Variants in GGA2 observed in about 807,000 individuals in gnomAD.
The protein encoded by GGA2 is golgi associated, gamma adaptin ear containing, ARF binding protein 2, also known as ADP-ribosylation factor-binding protein GGA2.
In GGA2, 48 loss-of-function variants were observed where a neutral mutation model predicts 79.5. That is an observed-to-expected ratio of 0.60 (90% confidence interval 0.48 to 0.77). The LOEUF (loss-of-function observed/expected upper bound fraction) is 0.77. Among genes scored for constraint, GGA2 ranks in the 30% least tolerant of loss-of-function variants. The probability of loss-of-function intolerance (pLI) is 0.00; values close to 1 mark genes in which losing one functional copy is unlikely to be tolerated. For synonymous variants in GGA2, 317 were observed against 302.0 expected (o/e 1.05, Z -0.51); for missense variants, 770 against 774.0 (o/e 0.99, Z 0.06).
At chr16:23,473,700 T>C (rs1316149268) in intron 14 of GGA2, among the ~76,000 whole-genome samples, 6 of 152,198 alleles carry the variant, frequency 3.9e-5, no homozygotes, top group Admixed American at 3.9e-4. Flanking sequence ...TTTTAAAGTT[T>C]GTTTTGTAAT....
chr16:23,479,792 A>C lies in GGA2; in HGVS notation c.1102T>G (p.Leu368Val). 6.2e-7 allele frequency: 1 copy of C among 1,614,140 alleles called. No individual in the cohort carries two copies. The highest frequency in any genetic ancestry group is 8.5e-7 in the Non-Finnish European group (1 of 1,179,990). The change falls in exon 11 of 17, where the codon TTG (leucine) becomes GTG (valine). Residue 368 changes from leucine to valine, a missense_variant. Coordinates refer to ENST00000309859, the MANE Select transcript of GGA2 (RefSeq NM_015044.4). ...AAGGCTGCCAGGTCCTGATGAAGCA[A>C]AGATGGCACCACAGTCCCCATCTGC... ...PAQMGTVVPSLLHQDLAALGI... is the reference protein window; with the variant it reads ...PAQMGTVVPSVLHQDLAALGI...
intron 9 of GGA2, among the ~76,000 whole-genome samples, chr16:23,481,090 A>G (rs1372407219): frequency 2.0e-5 from 3 of 152,234 alleles, no homozygotes; most frequent in African/African-American, 4.8e-5. Flanking sequence ...CAGAATCTGA[A>G]GCTGCTGGCT....
rs1180186483 is a variant in GGA2, at chr16:23,465,621, C to CTA, written c.*1967_*1968dup. 1 of 580,534 alleles carries CTA rather than the reference C, an allele frequency of 1.7e-6. No homozygotes were observed. The highest frequency in any genetic ancestry group is 3.1e-6 in the Non-Finnish European group (1 of 325,576). 36.0% of individuals were successfully genotyped at this position (580,534 alleles called of 1,614,324 possible). The stretch of plus-strand genomic sequence containing the variant: ...CATTATGATGGGTACCTCTTCAAGA[C>CTA]TACGCAACAGTAACAGAGCCTATAA... On this transcript the variant is annotated 3_prime_UTR_variant, in exon 17 of 17. Transcript: ENST00000309859.
At chr16:23,512,856 C>T (rs185836432), upstream of GGA2, among the ~76,000 whole-genome samples, 188 of 152,002 alleles carry the variant, frequency 1.2e-3, no homozygotes, top group African/African-American at 4.4e-3. Context: ...AGGCGCCCAC[C>T]ACCACACCCG....
chr16:23,478,345 C>T (rs777480628), intron 13 of GGA2, 23 bp downstream of exon 13: 63 of 1,548,460 alleles, frequency 4.1e-5, no homozygotes, highest in Middle Eastern at 4.1e-4. Flanking sequence ...CACTCTCCCA[C>T]TCCCCTTGCC....
chr16:23,473,328 GTC>G (rs1567358863), intron 14 of GGA2, among the ~76,000 whole-genome samples: 1 of 38,746 alleles, frequency 2.6e-5, no homozygotes, highest in African/African-American at 6.3e-5. Flanking sequence ...TACTTTTCTA[GTC>G]TTTTTTTTTT....
At chr16:23,499,184 A>C (rs1596992785) in intron 1 of GGA2, among the ~76,000 whole-genome samples, 2 of 138,002 alleles carry the variant, frequency 1.4e-5, no homozygotes, top group African/African-American at 2.8e-5. Context: ...TCGCTCTGTC[A>C]CCCGGGCTGG....
chr16:23,495,874 T>C (rs1964848968), intron 1 of GGA2, 96 bp from the exon 2 acceptor site: 3 of 717,286 alleles, frequency 4.2e-6, no homozygotes, highest in East Asian at 2.7e-5. Flanking sequence ...TTATCACAGA[T>C]CTACAGGATC....
rs1964426619 is a variant in GGA2, at chr16:23,465,631, G to GT, written c.*1958dup. ...GGTACCTCTTCAAGACTACGCAACA[G>GT]TAACAGAGCCTATAAAAGCTACACA... On this transcript the variant is annotated 3_prime_UTR_variant, in exon 17 of 17. Coordinates refer to ENST00000309859, the MANE Select transcript of GGA2 (RefSeq NM_015044.4). 1.8e-6 allele frequency: 1 copy of GT among 548,634 alleles called. No individual in the cohort carries two copies. The highest frequency in any genetic ancestry group is 1.9e-5 in the African/African-American group (1 of 52,866). The allele number at this position is 548,634 out of a possible 1,614,324, so 34.0% of individuals were successfully genotyped here.
chr16:23,521,102 A>G (rs927410428), intron 1 of GGA2, among the ~76,000 whole-genome samples: 9 of 152,150 alleles, frequency 5.9e-5, no homozygotes, highest in Non-Finnish European at 1.2e-4. Context: ...CTAATTTAGT[A>G]TTTTTTAAAA....
At position 23,465,655 on chromosome 16, in the gene GGA2, C is replaced by G. The variant is rs1445583744; in HGVS notation, c.*1935G>C. The G allele has an allele frequency of 4.0e-6, 2 of 499,406 alleles. No homozygotes were observed. The highest frequency in any genetic ancestry group is 3.6e-5 in the Admixed American group (1 of 27,762). The allele number at this position is 499,406 out of a possible 1,614,324, so 30.9% of individuals were successfully genotyped here. A position where few individuals can be genotyped will look rare whatever the true frequency, so the allele number is the denominator to read the frequency against. On this transcript the variant is annotated 3_prime_UTR_variant, in exon 17 of 17. Transcript: ENST00000309859. ...AGTAACAGAGCCTATAAAAGCTACACAGAGGCCGGGTGCGGTGGCTCACGC... is the reference window on the plus strand; with the variant it reads ...AGTAACAGAGCCTATAAAAGCTACAGAGAGGCCGGGTGCGGTGGCTCACGC...
At chr16:23,497,044 G>GAGGCTT (rs1964865171) in intron 1 of GGA2, among the ~76,000 whole-genome samples, 1 of 151,748 alleles carries the variant, frequency 6.6e-6, no homozygotes, top group Non-Finnish European at 1.5e-5. Context: ...GACTGCGGCT[G>GAGGCTT]CAGTGAGCCA....
At chr16:23,498,647 A>G (rs558235087) in intron 1 of GGA2, among the ~76,000 whole-genome samples, 12 of 152,330 alleles carry the variant, frequency 7.9e-5, no homozygotes, top group Non-Finnish European at 1.5e-4. Context: ...AAGGGTCTAA[A>G]ATGCTTAGTA....
At chr16:23,501,788 G>A (rs1425814142) in intron 1 of GGA2, among the ~76,000 whole-genome samples, 3 of 152,124 alleles carry the variant, frequency 2.0e-5, no homozygotes, top group Non-Finnish European at 4.4e-5. Flanking sequence ...GATTTTCATC[G>A]AGAGGAAACA....
chr16:23,510,364 G>A lies in GGA2; in HGVS notation c.48C>T (p.Ala16=), dbSNP rs1403497606. ...VAAAVAGTES[A]QGPPGPAASL... is the part of the protein sequence containing the mutation. ...ACGCTGCCGGGCCCGGGGGACCCTG[G>A]GCCGACTCGGTTCCCGCCACAGCCG... is the stretch of plus-strand genomic sequence containing the variant. Residue 16 remains alanine (A), a synonymous_variant, in exon 1 of 17, where the codon GCC becomes GCT. Coordinates refer to ENST00000309859, the MANE Select transcript of GGA2 (RefSeq NM_015044.4). The A allele has an allele frequency of 1.3e-5, 19 of 1,428,292 alleles. No individual in the cohort carries two copies. Among genetic ancestry groups the A allele is most frequent in the Non-Finnish European group, 1.7e-5 (18 of 1,090,456 alleles). 88.5% of individuals were successfully genotyped at this position (1,428,292 alleles called of 1,614,324 possible).
At chr16:23,496,722 C>T (rs1359227698) in intron 1 of GGA2, among the ~76,000 whole-genome samples, 2 of 152,020 alleles carry the variant, frequency 1.3e-5, no homozygotes, top group African/African-American at 4.8e-5. Flanking sequence ...TTTGGGAAGC[C>T]GAGGCAGGTA....
Position 23,468,933 on chromosome 16 carries a change from G to A in GGA2, c.1684C>T (p.Pro562Ser), listed in dbSNP as rs762601848. 6.2e-6 allele frequency: 10 copies of A among 1,610,938 alleles called. No homozygotes were observed. The highest frequency in any genetic ancestry group is 1.3e-5 in the African/African-American group (1 of 74,858). ...SKLPAFSPLM[P>S]PAVISQMLLL... ...AGCATCTGAGATATCACAGCTGGAG[G>A]CATCAAAGGACTGAATGCAGGAAGC... Residue 562 changes from proline to serine, a missense_variant, in exon 16 of 17, where the codon CCT becomes TCT. Physicochemically the swap from Pro to Ser is moderately conservative, Grantham distance 74. Coordinates refer to ENST00000309859, the MANE Select transcript of GGA2 (RefSeq NM_015044.4).
At chr16:23,522,913 T>A (rs1295927953), upstream of GGA2, 1 of 152,198 alleles carries the variant, frequency 6.6e-6, no homozygotes, top group African/African-American at 2.4e-5. Flanking sequence ...CCCATGGCTA[T>A]TGGTGGGAGG....
At chr16:23,513,089 A>T (rs1965083197), upstream of GGA2, among the ~76,000 whole-genome samples, 1 of 152,084 alleles carries the variant, frequency 6.6e-6, no homozygotes, top group Non-Finnish European at 1.5e-5. Flanking sequence ...ATTTCAACAA[A>T]ACCTGGACGT....
Sources: allele counts gnomAD v4.1 joint callset (sites outside exome capture counted in the v4.1 genomes callset), GRCh38; gene constraint gnomAD v4.1.1; transcripts MANE v1.5; gene names NCBI Gene and HGNC (gene_info 2026-07-23, HGNC 2026-07-21).